SLC25A13: variants seen among roughly 807,000 people sequenced by gnomAD.
SLC25A13 encodes the protein electrogenic aspartate/glutamate antiporter SLC25A13, mitochondrial.
SLC25A13 carries 70 observed loss-of-function variants against 85.5 expected under a neutral mutation model. The ratio of observed to expected loss-of-function variants is 0.82; its 90% CI spans 0.68 to 1.00. The LOEUF (loss-of-function observed/expected upper bound fraction) is 1.00. SLC25A13 is among the 50% of genes least tolerant of loss of function. SLC25A13 has a pLI of 0.00. For missense variants in SLC25A13, 765 were observed against 819.8 expected, an observed-to-expected ratio of 0.93 and a Z score of 0.82; for synonymous variants, 259 against 288.7, an observed-to-expected ratio of 0.90 and a Z score of 1.04.
rs1336935459 is a variant in SLC25A13 at position 96,244,355 on chromosome 7, T to C, written c.213-9438A>G. On this transcript the variant is annotated intron_variant, in intron 3 of 17. Transcript: ENST00000265631. Reference sequence around the variant, plus strand: ...TTTTATTTAATATGTTAGTTGATGGTCAGCAAGCACACAAACGAAGACTCA... The same window carrying C: ...TTTTATTTAATATGTTAGTTGATGGCCAGCAAGCACACAAACGAAGACTCA... Among the ~76,000 whole-genome samples the C allele has an allele frequency of 2.6e-5, 4 of 152,154 alleles. No homozygotes were observed. In the East Asian group the frequency reaches 7.7e-4, roughly 29 times the overall value.
intron 11 of SLC25A13, among the ~76,000 whole-genome samples, chr7:96,182,063 T>C (rs1195067929): frequency 6.6e-6 from 1 of 152,206 alleles, no homozygotes; most frequent in Non-Finnish European, 1.5e-5. Context: ...TACATTTTCA[T>C]CTGATCTCTC....
At position 96,122,099 on chromosome 7, in the gene SLC25A13, G is replaced by A. The variant is rs964687172; in HGVS notation, c.1592-102C>T. On this transcript the variant is annotated intron_variant, in intron 15 of 17. Transcript: ENST00000265631. ...GCCGTGGAAAGAAAGTTAAAAATCC[G>A]ATTCAATAAAATGCCTATTTTGCTG... 21 of 1,502,962 alleles carry A rather than the reference G, an allele frequency of 1.4e-5. No homozygotes were observed. In the Admixed American group the frequency reaches 1.5e-4, roughly 11 times the overall value. 93.1% of individuals were successfully genotyped at this position (1,502,962 alleles called of 1,614,324 possible). A position where few individuals can be genotyped will look rare whatever the true frequency, so the allele number is the denominator to read the frequency against.
intron 1 of SLC25A13, among the ~76,000 whole-genome samples, chr7:96,298,347 C>G (rs887501073): frequency 6.6e-6 from 1 of 152,162 alleles, no homozygotes; most frequent in Non-Finnish European, 1.5e-5. Flanking sequence ...GATGGTTGGT[C>G]ACCTTGTTTC....
At chr7:96,314,177 A>C (rs1050189924) in intron 1 of SLC25A13, among the ~76,000 whole-genome samples, 3 of 152,080 alleles carry the variant, frequency 2.0e-5, no homozygotes, top group Non-Finnish European at 4.4e-5. Context: ...GAAGAAGAAG[A>C]AGCCTGCAAA....
chr7:96,204,751 A>G (rs1334256791), intron 5 of SLC25A13, among the ~76,000 whole-genome samples: 1 of 152,136 alleles, frequency 6.6e-6, no homozygotes, highest in African/African-American at 2.4e-5. Flanking sequence ...TTACATTATG[A>G]GTGTCTCAAG....
At chr7:96,210,286 A>G (rs983077827) in intron 4 of SLC25A13, among the ~76,000 whole-genome samples, 15 of 152,210 alleles carry the variant, frequency 9.9e-5, no homozygotes, top group African/African-American at 1.4e-4. Context: ...GTTTTAAAGT[A>G]CAAGTACTGA....
At chr7:96,296,126 T>C (rs1270383744) in intron 2 of SLC25A13, among the ~76,000 whole-genome samples, 1 of 152,048 alleles carries the variant, frequency 6.6e-6, no homozygotes, top group Admixed American at 6.6e-5. Context: ...GTATTATCCA[T>C]ACTGGAGCCT....
intron 2 of SLC25A13, among the ~76,000 whole-genome samples, chr7:96,290,546 A>T (rs535361728): frequency 6.6e-6 from 1 of 151,966 alleles, no homozygotes; most frequent in East Asian, 1.9e-4. Context: ...ACGTGCAGAG[A>T]CACACATAGG....
chr7:96,199,527 T>C lies in SLC25A13; in HGVS notation c.469-6344A>G, dbSNP rs372003640. On this transcript the variant is annotated intron_variant, in intron 5 of 17. Transcript: ENST00000265631. Reference sequence around the variant, plus strand: ...ACTAAATGCTGCTGCCGAAGACAGTTACCAACTGAAGACAAATGGCCCTTC... The same window carrying C: ...ACTAAATGCTGCTGCCGAAGACAGTCACCAACTGAAGACAAATGGCCCTTC... 5.9e-5 allele frequency among the ~76,000 whole-genome samples: 9 copies of C among 152,282 alleles called. No homozygotes were observed. In the South Asian group the frequency reaches 8.3e-4, roughly 14 times the overall value.
chr7:96,163,971 T>C (rs1157895140), intron 13 of SLC25A13, among the ~76,000 whole-genome samples: 1 of 152,188 alleles, frequency 6.6e-6, no homozygotes, highest in Non-Finnish European at 1.5e-5. Context: ...ACTTAAGTCA[T>C]GATTTAATTC....
intron 14 of SLC25A13, among the ~76,000 whole-genome samples, chr7:96,142,628 T>C (rs1562790720): frequency 6.6e-6 from 1 of 152,196 alleles, no homozygotes; most frequent in African/African-American, 2.4e-5. Context: ...TTTTCTTTTT[T>C]TAAGGATATA....
chr7:96,294,186 A>G (rs1277365706), intron 2 of SLC25A13, among the ~76,000 whole-genome samples: 1 of 152,088 alleles, frequency 6.6e-6, no homozygotes, highest in Non-Finnish European at 1.5e-5. Flanking sequence ...AAGAACAAAA[A>G]AACAAACACC....
intron 3 of SLC25A13, among the ~76,000 whole-genome samples, chr7:96,238,558 GTTTCCT>G (rs1340714449): frequency 6.6e-6 from 1 of 152,140 alleles, no homozygotes; most frequent in Admixed American, 6.5e-5. Flanking sequence ...ATTTAGAGAT[GTTTCCT>G]TTTCCTTTTC....
intron 3 of SLC25A13, among the ~76,000 whole-genome samples, chr7:96,259,732 T>C (rs539159478): frequency 6.6e-6 from 1 of 152,320 alleles, no homozygotes; most frequent in African/African-American, 2.4e-5. Flanking sequence ...TTACAAATCA[T>C]TCTGCTATAA....
At chr7:96,188,613 A>G (rs963441200) in intron 9 of SLC25A13, among the ~76,000 whole-genome samples, 6 of 152,236 alleles carry the variant, frequency 3.9e-5, no homozygotes, top group African/African-American at 1.4e-4. Flanking sequence ...CATGCTATGA[A>G]GGCTTTTCTT....
intron 5 of SLC25A13, among the ~76,000 whole-genome samples, chr7:96,194,442 C>CAAAA (rs546248549): frequency 0.59 from 16,048 of 27,404 alleles, 5,618 homozygotes; most frequent in South Asian, 0.72. Context: ...AACCTTGTCT[C>CAAAA]AAAAAAAAAA....
intron 1 of SLC25A13, among the ~76,000 whole-genome samples, chr7:96,300,866 C>T (rs887939104): frequency 6.6e-6 from 1 of 152,146 alleles, no homozygotes; most frequent in East Asian, 1.9e-4. Context: ...ATAGTAATTC[C>T]ATCTATTATT....
At chr7:96,314,567 A>G (rs1800063783) in intron 1 of SLC25A13, among the ~76,000 whole-genome samples, 1 of 152,164 alleles carries the variant, frequency 6.6e-6, no homozygotes, top group Non-Finnish European at 1.5e-5. Flanking sequence ...GCAAACCCAC[A>G]GAGTCTTATG....
chr7:96,131,227 T>C (rs1792016642), intron 15 of SLC25A13, among the ~76,000 whole-genome samples: 1 of 152,204 alleles, frequency 6.6e-6, no homozygotes. Flanking sequence ...AGATAGTTAT[T>C]TCCATCTGTG....
Sources: allele counts gnomAD v4.1 joint callset (sites outside exome capture counted in the v4.1 genomes callset), GRCh38; gene constraint gnomAD v4.1.1; transcripts MANE v1.5; gene names NCBI Gene and HGNC (gene_info 2026-07-23, HGNC 2026-07-21).